INPP5K: variants seen among roughly 807,000 people sequenced by gnomAD.
INPP5K encodes the protein inositol polyphosphate-5-phosphatase K, also known as inositol polyphosphate 5-phosphatase K.
A neutral mutation model predicts 53.5 loss-of-function variants in INPP5K; 35 were observed. That is an observed-to-expected ratio of 0.65 (90% CI 0.50 to 0.87). The LOEUF (loss-of-function observed/expected upper bound fraction) is 0.87. Among genes scored for constraint, INPP5K ranks in the 40% least tolerant of loss-of-function variants. The pLI, the probability that INPP5K is intolerant of heterozygous loss-of-function variation, is 0.00. For synonymous variants in INPP5K, 253 were observed against 232.8 expected (o/e 1.09, Z -0.79); for missense variants, 550 against 586.2 (o/e 0.94, Z 0.64).
At chr17:1,515,822 C>T in intron 1 of INPP5K, 3 of 826,676 alleles carry the variant, frequency 3.6e-6, no homozygotes, top group Non-Finnish European at 4.4e-6. Context: ...CGATCTCCCC[C>T]TGCTGTCCGA....
intron 7 of INPP5K, among the ~76,000 whole-genome samples, chr17:1,501,961 G>A (rs916846862): frequency 2.6e-5 from 4 of 151,750 alleles, no homozygotes; most frequent in African/African-American, 9.7e-5. Flanking sequence ...CTTGAACCTG[G>A]GAAGCGGAGG....
At chr17:1,513,412 T>G (rs1264576118) in intron 3 of INPP5K, 41 bp downstream of exon 3, 1 of 1,484,800 alleles carries the variant, frequency 6.7e-7, no homozygotes, top group Non-Finnish European at 9.4e-7. Context: ...AGTGGAGATG[T>G]GAAAACACAG....
At chr17:1,512,604 G>C (rs1452541040) in intron 3 of INPP5K, among the ~76,000 whole-genome samples, 1 of 152,178 alleles carries the variant, frequency 6.6e-6, no homozygotes, top group African/African-American at 2.4e-5. Context: ...CTGTGAATGG[G>C]AGTGTGTTTC....
chr17:1,502,585 C>T (rs1175838649), intron 7 of INPP5K, among the ~76,000 whole-genome samples: 2 of 146,664 alleles, frequency 1.4e-5, no homozygotes, highest in African/African-American at 5.0e-5. Flanking sequence ...ACTGGGCATA[C>T]CAAGATTTAC....
rs1471121353 is a variant in INPP5K at position 1,516,568 on chromosome 17, C to G, written c.-69G>C. 1.4e-6 allele frequency: 2 copies of G among 1,472,128 alleles called. No homozygotes were observed. The highest frequency in any genetic ancestry group is 1.8e-6 in the Non-Finnish European group (2 of 1,120,024). The allele number at this position is 1,472,128 out of a possible 1,614,324, so 91.2% of individuals were successfully genotyped here. ...CCCGGCCAGCGGGTCCCGGCCAGAG[C>G]AGCCCTGCGGGCGGCCGGTCTCACG... On this transcript the variant is annotated 5_prime_UTR_variant, in exon 1 of 12. Coordinates refer to ENST00000421807, the MANE Select transcript of INPP5K (RefSeq NM_016532.4).
rs1050415099 is a variant in INPP5K, at chr17:1,509,197, G to C, written c.535C>G (p.Pro179Ala). The C allele has an allele frequency of 6.2e-7, 1 of 1,613,340 alleles. No individual in the cohort carries two copies. Residue 179 changes from proline (P) to alanine (A), a missense_variant, in exon 5 of 12, where the codon CCA becomes GCA. By Grantham distance (27) the Pro-to-Ala change is conservative. Transcript: ENST00000421807. ...GCTCACTCGTGGTCCAGGATGTTTG[G>C]GATGTCTCGCCCCTCACAATTCTGC... is the stretch of plus-strand genomic sequence containing the variant. ...EMQNCEGRDI[P>A]NILDHDLIIW...
At chr17:1,511,067 A>G (rs1353051851) in intron 3 of INPP5K, among the ~76,000 whole-genome samples, 3 of 152,108 alleles carry the variant, frequency 2.0e-5, no homozygotes, top group Admixed American at 6.5e-5. Flanking sequence ...CCCAAACCCC[A>G]TAACTATATA....
chr17:1,506,616 G>A (rs1228603348), intron 7 of INPP5K, among the ~76,000 whole-genome samples: 1 of 152,206 alleles, frequency 6.6e-6, no homozygotes, highest in East Asian at 1.9e-4. Flanking sequence ...GTAACTGGCT[G>A]GGCCAAGCTT....
chr17:1,509,112 C>G (rs1367085126), intron 5 of INPP5K, 66 bp downstream of exon 5: 1 of 1,308,622 alleles, frequency 7.6e-7, no homozygotes, highest in African/African-American at 2.0e-5. Context: ...CAGGCTCACT[C>G]GTGGGGGTTA....
At chr17:1,499,087 G>A (rs1021675610) in intron 7 of INPP5K, among the ~76,000 whole-genome samples, 6 of 152,210 alleles carry the variant, frequency 3.9e-5, no homozygotes, top group Admixed American at 3.3e-4. Flanking sequence ...CCTGCCAGTG[G>A]AGGGAATAAC....
intron 1 of INPP5K, chr17:1,516,156 C>T: frequency 1.6e-6 from 2 of 1,241,086 alleles, no homozygotes; most frequent in Non-Finnish European, 2.1e-6. Flanking sequence ...AACCGAGAGC[C>T]GAAGGGTGAC....
intron 3 of INPP5K, 35 bp downstream of exon 3, chr17:1,513,416 AAC>A: frequency 1.3e-6 from 2 of 1,512,234 alleles, no homozygotes; most frequent in South Asian, 2.2e-5. Flanking sequence ...GAGATGTGAA[AAC>A]ACAGTTGTCA....
chr17:1,507,991 C>T, intron 6 of INPP5K, 124 bp downstream of exon 6: 1 of 744,224 alleles, frequency 1.3e-6, no homozygotes, highest in South Asian at 1.6e-5. Flanking sequence ...TGCTAGACAG[C>T]CTCCCCCACC....
chr17:1,499,741 TG>T (rs2074956695), intron 7 of INPP5K, among the ~76,000 whole-genome samples: 1 of 152,012 alleles, frequency 6.6e-6, no homozygotes, highest in African/African-American at 2.4e-5. Context: ...CTCCTGGAGG[TG>T]GGGTGTGTGT....
intron 3 of INPP5K, among the ~76,000 whole-genome samples, chr17:1,512,741 G>A (rs899682452): frequency 3.3e-5 from 5 of 151,984 alleles, no homozygotes; most frequent in African/African-American, 1.2e-4. Flanking sequence ...TAAGAAAGCC[G>A]CCCAAAGTAC....
At chr17:1,501,949 C>A (rs1026501786) in intron 7 of INPP5K, among the ~76,000 whole-genome samples, 5 of 147,426 alleles carry the variant, frequency 3.4e-5, no homozygotes, top group Non-Finnish European at 6.0e-5. Context: ...GCAGGAGAAT[C>A]GCTTGAACCT....
Position 1,500,659 on chromosome 17 carries a change from C to T in INPP5K, c.777-2537G>A, listed in dbSNP as rs577520119. On this transcript the variant is annotated intron_variant, in intron 7 of 11. Transcript: ENST00000421807. ...GATTACAGGCGTGAGCCACCGCGCC[C>T]GGCCACTGAAACATTTTATACCAGT... 4.6e-5 allele frequency among the ~76,000 whole-genome samples: 7 copies of T among 152,108 alleles called. No homozygotes were observed. In the East Asian group the frequency reaches 5.8e-4, roughly 13 times the overall value.
rs1014896067 is a variant in INPP5K, at chr17:1,502,172, A to T, written c.777-4050T>A. Among the ~76,000 whole-genome samples, 11 of 151,626 alleles carry T rather than the reference A, an allele frequency of 7.3e-5. No individual in the cohort carries two copies. The East Asian group carries it at 7.8e-4, about 11-fold the overall frequency. On this transcript the variant is annotated intron_variant, in intron 7 of 11. Transcript: ENST00000421807. ...AGACCATCCTGGCTAACATGGTGAA[A>T]CCCCGTCTCTACTAAAAATACAAAA...
At chr17:1,500,930 T>C (rs1167252847) in intron 7 of INPP5K, among the ~76,000 whole-genome samples, 1 of 151,710 alleles carries the variant, frequency 6.6e-6, no homozygotes, top group Non-Finnish European at 1.5e-5. Flanking sequence ...TTGGAAACAC[T>C]ATTTTTGTCT....
Sources: gnomAD v4.1 joint callset for allele counts (sites outside exome capture counted in the v4.1 genomes callset) on GRCh38, gnomAD v4.1.1 for gene constraint, MANE v1.5 for transcripts, NCBI Gene and HGNC (gene_info 2026-07-23, HGNC 2026-07-21) for gene names.